ACOX3: variants seen among roughly 807,000 people sequenced by gnomAD.
The protein encoded by ACOX3 is peroxisomal acyl-coenzyme A oxidase 3.
In ACOX3, 73 loss-of-function variants were observed where a neutral mutation model predicts 81.5. That is an observed-to-expected ratio of 0.90 (90% confidence interval 0.74 to 1.09). ACOX3 has a LOEUF of 1.09. ACOX3 is among the 50% of genes least tolerant of loss of function. The pLI is 0.00. For missense variants in ACOX3, 947 were observed against 928.0 expected, an observed-to-expected ratio of 1.02 and a Z score of -0.27; for synonymous variants, 387 against 375.1, an observed-to-expected ratio of 1.03 and a Z score of -0.37.
rs1722120794 is a variant in ACOX3 at position 8,414,553 on chromosome 4, A to T, written c.454-172T>A. On this transcript the variant is annotated intron_variant, in intron 4 of 17. Transcript: ENST00000356406. The surrounding 1 kb of genome is among the most constrained non-coding windows in gnomAD (Gnocchi z 6.1). ...GTCATGCTGCCACACTCAGCTGGCA[A>T]CCACAGCAGCCTAAACCAAGCTGAC... Among the ~76,000 whole-genome samples the T allele has an allele frequency of 6.6e-6, 1 of 152,196 alleles. No individual in the cohort carries two copies. Among genetic ancestry groups the T allele is most frequent in the African/African-American group, 2.4e-5 (1 of 41,452 alleles).
Position 8,414,722 on chromosome 4 carries a change from C to T in ACOX3, c.453+132G>A. On this transcript the variant is annotated intron_variant, in intron 4 of 17. Coordinates refer to ENST00000356406, the MANE Select transcript of ACOX3 (RefSeq NM_003501.3). This position sits in a 1 kb window ranked among gnomAD's most constrained non-coding sequence, Gnocchi z 6.1. ...CAGTGCTAGCTATTTGGTGAGAAGCCTGAGAACACTAGGAAACAAGAAGAG... is the reference window on the plus strand; with the variant it reads ...CAGTGCTAGCTATTTGGTGAGAAGCTTGAGAACACTAGGAAACAAGAAGAG... 8.2e-6 allele frequency: 7 copies of T among 856,634 alleles called. No individual in the cohort carries two copies. 53.1% of individuals were successfully genotyped at this position (856,634 alleles called of 1,614,324 possible). A position where few individuals can be genotyped will look rare whatever the true frequency, so the allele number is the denominator to read the frequency against.
In ACOX3 at chr4:8,386,133, A is replaced by G. The variant is rs112171962; in HGVS notation, c.1537+3040T>C. Among the ~76,000 whole-genome samples, 87 of 152,308 alleles carry G rather than the reference A, an allele frequency of 5.7e-4. No homozygotes were observed. Among genetic ancestry groups the G allele is most frequent in the African/African-American group, 2.0e-3 (83 of 41,572 alleles). Reference sequence around the variant, plus strand: ...GCAGAGCGTGATGGGCACATGGAGAAGCTGGCTGTCCCATTTATGTTTTGA... The same window carrying G: ...GCAGAGCGTGATGGGCACATGGAGAGGCTGGCTGTCCCATTTATGTTTTGA... On this transcript the variant is annotated intron_variant, in intron 13 of 17. Coordinates refer to ENST00000356406, the MANE Select transcript of ACOX3 (RefSeq NM_003501.3). The surrounding 1 kb of genome is among the most constrained non-coding windows in gnomAD (Gnocchi z 5.2).
intron 15 of ACOX3, chr4:8,373,904 G>A (rs868206138): frequency 2.6e-5 from 14 of 529,034 alleles, no homozygotes; most frequent in Middle Eastern, 5.1e-4. Flanking sequence ...ACAGGTGGCC[G>A]CTGGGCTCAT....
At chr4:8,411,297 C>G (rs1443504078) in intron 5 of ACOX3, among the ~76,000 whole-genome samples, 1 of 152,232 alleles carries the variant, frequency 6.6e-6, no homozygotes, top group East Asian at 1.9e-4. Flanking sequence ...CTGGTTCCAG[C>G]CCCTGCAGGG....
At position 8,405,314 on chromosome 4, in the gene ACOX3, T is replaced by C. The variant is rs1720815114; in HGVS notation, c.776+641A>G. Among the ~76,000 whole-genome samples, 2 of 152,188 alleles carry C rather than the reference T, an allele frequency of 1.3e-5. No homozygotes were observed. Among genetic ancestry groups the C allele is most frequent in the South Asian group, 4.2e-4 (2 of 4,818 alleles). ...ACATTCCAAAATCACTGGCCACTTC[T>C]CCCCGGCCACCCAGGCCTCCATGTG... On this transcript the variant is annotated intron_variant, in intron 7 of 17. Coordinates refer to ENST00000356406, the MANE Select transcript of ACOX3 (RefSeq NM_003501.3). This position sits in a 1 kb window ranked among gnomAD's most constrained non-coding sequence, Gnocchi z 7.1.
rs1720190430 is a variant in ACOX3, at chr4:8,399,996, C to T, written c.777-344G>A. 6.6e-6 allele frequency among the ~76,000 whole-genome samples: 1 copy of T among 152,044 alleles called. No individual in the cohort carries two copies. The highest frequency in any genetic ancestry group is 2.1e-4 in the South Asian group (1 of 4,808). ...GTGTGGTGGCTTACGCCTGTAATCC[C>T]AGCACTTTGGGAGGCCGAGGTGGGT... On this transcript the variant is annotated intron_variant, in intron 7 of 17. Coordinates refer to ENST00000356406, the MANE Select transcript of ACOX3 (RefSeq NM_003501.3). The surrounding 1 kb of genome is among the most constrained non-coding windows in gnomAD (Gnocchi z 4.9).
chr4:8,413,393 A>C (rs1375732744), intron 5 of ACOX3, among the ~76,000 whole-genome samples: 4 of 120,828 alleles, frequency 3.3e-5, no homozygotes, highest in Admixed American at 8.9e-5. Flanking sequence ...CCTCCACAGC[A>C]CTGACAGCCC....
chr4:8,361,425 C>CAA (rs56251372), downstream of ACOX3, among the ~76,000 whole-genome samples: 518 of 39,046 alleles, frequency 0.013, 68 homozygotes, highest in East Asian at 0.038. Flanking sequence ...GACTCTATCT[C>CAA]AAAAAAAAAA....
chr4:8,418,120 A>C (rs1366465272), intron 1 of ACOX3, among the ~76,000 whole-genome samples: 2 of 152,244 alleles, frequency 1.3e-5, no homozygotes, highest in African/African-American at 4.8e-5. Flanking sequence ...CAATTATTCA[A>C]GCTCTTCCCA....
intron 10 of ACOX3, chr4:8,392,914 C>G (rs540068680): frequency 6.5e-6 from 1 of 152,942 alleles, no homozygotes; most frequent in Non-Finnish European, 1.5e-5. Context: ...CCAGTCCATT[C>G]CCAGAAGGCT....
rs369973507 is a variant in ACOX3, at chr4:8,375,080, G to A, written c.1726C>T (p.His576Tyr). The stretch of plus-strand genomic sequence containing the variant: ...AGCGAGGGCGGCACGGAAGGCTGGT[G>A]CACGTGCTCGTGGAACCTCTGGACC... ...TVVQRFHEHV[H>Y]QPSVPPSLRA... is the part of the protein sequence containing the mutation. Residue 576 changes from histidine to tyrosine, a missense_variant, in exon 15 of 18, where the codon CAC (histidine) becomes TAC (tyrosine). His to Tyr is a moderately conservative substitution (Grantham distance 83). Coordinates refer to ENST00000356406, the MANE Select transcript of ACOX3 (RefSeq NM_003501.3). 3 of 1,554,002 alleles carry A rather than the reference G, an allele frequency of 1.9e-6. No individual in the cohort carries two copies. In the African/African-American group the frequency reaches 4.1e-5, roughly 21 times the overall value.
chr4:8,372,024 G>A (rs1176695613), intron 16 of ACOX3, among the ~76,000 whole-genome samples: 1 of 152,266 alleles, frequency 6.6e-6, no homozygotes, highest in Non-Finnish European at 1.5e-5. Flanking sequence ...CCAAGACAGT[G>A]GTATGGATGG....
intron 1 of ACOX3, among the ~76,000 whole-genome samples, chr4:8,428,910 C>T (rs1723775113): frequency 6.6e-6 from 1 of 152,152 alleles, no homozygotes; most frequent in Non-Finnish European, 1.5e-5. Context: ...CCCGGCATGC[C>T]CAAGAGCTTG....
At chr4:8,396,470 A>G (rs1285683510) in intron 9 of ACOX3, among the ~76,000 whole-genome samples, 1 of 152,158 alleles carries the variant, frequency 6.6e-6, no homozygotes, top group East Asian at 1.9e-4. Flanking sequence ...GGAGGTCAGG[A>G]GTTCGAGACC....
intron 17 of ACOX3, among the ~76,000 whole-genome samples, chr4:8,369,775 T>C (rs756585551): frequency 2.6e-5 from 4 of 152,326 alleles, no homozygotes; most frequent in Middle Eastern, 3.4e-3. Flanking sequence ...CAATCTCCAT[T>C]TGGGCAGAGA....
rs1395859454 is a variant in ACOX3 at position 8,406,790 on chromosome 4, C to T, written c.688-747G>A. 1.3e-5 allele frequency among the ~76,000 whole-genome samples: 2 copies of T among 152,202 alleles called. No individual in the cohort carries two copies. Among genetic ancestry groups the T allele is most frequent in the Non-Finnish European group, 2.9e-5 (2 of 68,034 alleles). On this transcript the variant is annotated intron_variant, in intron 6 of 17. Transcript: ENST00000356406. The surrounding 1 kb of genome is among the most constrained non-coding windows in gnomAD (Gnocchi z 5.6). The stretch of plus-strand genomic sequence containing the variant: ...ACTTTCACTAATTTGCTACTGCTAT[C>T]TAGAAGGCAGAGCCAGGTGTACAGG...
intron 1 of ACOX3, among the ~76,000 whole-genome samples, chr4:8,424,078 T>C (rs1578991970): frequency 6.6e-6 from 1 of 152,216 alleles, no homozygotes; most frequent in South Asian, 2.1e-4. Context: ...GCTAAAATTA[T>C]CCAGACACAC....
intron 7 of ACOX3, among the ~76,000 whole-genome samples, chr4:8,401,409 C>T (rs12506061): frequency 6.6e-6 from 1 of 152,148 alleles, no homozygotes; most frequent in Non-Finnish European, 1.5e-5. Context: ...GCTCAGGATG[C>T]CCCCACACCC....
chr4:8,371,608 C>T (rs1337332378), intron 16 of ACOX3, among the ~76,000 whole-genome samples: 2 of 152,216 alleles, frequency 1.3e-5, no homozygotes, highest in East Asian at 1.9e-4. Context: ...TGGGAGACAC[C>T]GCTAATGATA....
Sources: allele counts gnomAD v4.1 joint callset (sites outside exome capture counted in the v4.1 genomes callset), GRCh38; gene constraint gnomAD v4.1.1; non-coding constraint Gnocchi (gnomAD v3.1); transcripts MANE v1.5; gene names NCBI Gene and HGNC (gene_info 2026-07-23, HGNC 2026-07-21).